The following TNS3 variants were observed in gnomAD, a reference collection of about 807,000 sequenced individuals.
TNS3 encodes the protein tensin 3.
Under a neutral mutation model 140.9 loss-of-function variants are expected in TNS3, and 45 were observed. The ratio of observed to expected loss-of-function variants is 0.32; its 90% confidence interval spans 0.25 to 0.41. TNS3 has a LOEUF of 0.41. TNS3 is among the 10% of genes least tolerant of loss of function. The pLI is 1.00. For missense variants in TNS3, 1,716 were observed against 1,906.7 expected (o/e 0.90, Z 1.86); for synonymous variants, 815 against 788.4 (o/e 1.03, Z -0.56).
intron 2 of TNS3, among the ~76,000 whole-genome samples, chr7:47,517,973 T>TCAATAATCAATCAATCAAGAATCAGTCAA (rs1244976544): frequency 4.6e-5 from 7 of 152,278 alleles, no homozygotes; most frequent in African/African-American, 1.7e-4. Flanking sequence ...CATCAACCAA[T>TCAATAATCAATCAATCAAGAATCAGTCAA]CAATAATCAA....
chr7:47,451,366 G>A (rs527624117), intron 4 of TNS3, among the ~76,000 whole-genome samples: 1 of 152,164 alleles, frequency 6.6e-6, no homozygotes, highest in Admixed American at 6.5e-5. Context: ...GATCACTTGA[G>A]GCCAGGAGTT....
intron 4 of TNS3, among the ~76,000 whole-genome samples, chr7:47,475,467 C>T (rs1202532013): frequency 6.6e-6 from 1 of 152,252 alleles, no homozygotes; most frequent in Non-Finnish European, 1.5e-5. Flanking sequence ...GAGGCCGCCA[C>T]CAGAAGGCGG....
chr7:47,454,248 C>T (rs1236584791), intron 4 of TNS3, among the ~76,000 whole-genome samples: 1 of 152,162 alleles, frequency 6.6e-6, no homozygotes, highest in South Asian at 2.1e-4. Context: ...AGGCTCAGCT[C>T]CACAAGGCAG....
chr7:47,335,274 A>G (rs1788570226), intron 20 of TNS3, among the ~76,000 whole-genome samples: 1 of 152,162 alleles, frequency 6.6e-6, no homozygotes, highest in Non-Finnish European at 1.5e-5. Flanking sequence ...AGGGCCCCAA[A>G]TGGGTGAAGC....
chr7:47,328,177 G>A (rs1300001490), intron 20 of TNS3, among the ~76,000 whole-genome samples: 1 of 152,236 alleles, frequency 6.6e-6, no homozygotes, highest in African/African-American at 2.4e-5. Flanking sequence ...CGTGCAGGGG[G>A]CGGGGCGGCC....
At chr7:47,370,350 G>C (rs1584502424) in intron 16 of TNS3, among the ~76,000 whole-genome samples, 1 of 152,320 alleles carries the variant, frequency 6.6e-6, no homozygotes, top group Non-Finnish European at 1.5e-5. Context: ...AAAAGAGAAA[G>C]TGCAGGAATT....
intron 1 of TNS3, among the ~76,000 whole-genome samples, chr7:47,580,596 G>A (rs1053205024): frequency 3.6e-5 from 5 of 139,250 alleles, no homozygotes; most frequent in Admixed American, 2.4e-4. Flanking sequence ...CCCTCCAGCT[G>A]CAGCGACTCC....
chr7:47,377,426 T>G (rs1368812783), intron 16 of TNS3, among the ~76,000 whole-genome samples: 4 of 151,966 alleles, frequency 2.6e-5, no homozygotes, highest in Non-Finnish European at 5.9e-5. Context: ...CACAAATGGG[T>G]GTGGTCGGGG....
At chr7:47,340,116 T>TATATATATATATA (rs1491157255) in intron 20 of TNS3, among the ~76,000 whole-genome samples, 21 of 16,462 alleles carry the variant, frequency 1.3e-3, no homozygotes, top group Non-Finnish European at 1.7e-3. Context: ...TATATATATA[T>TATATATATATATA]TTTTTTTTTT....
intron 4 of TNS3, among the ~76,000 whole-genome samples, chr7:47,457,144 G>C (rs1240408367): frequency 2.6e-5 from 1 of 37,874 alleles, no homozygotes; most frequent in Non-Finnish European, 5.5e-5. Context: ...AGGAGGGGAG[G>C]GGAGGGGAGG....
chr7:47,501,200 GGGA>G (rs1798210683), intron 3 of TNS3, among the ~76,000 whole-genome samples: 1 of 140,424 alleles, frequency 7.1e-6, no homozygotes, highest in African/African-American at 2.6e-5. Context: ...GAGGGAGGGA[GGGA>G]GGGAGGGAGG....
At chr7:47,553,741 C>T (rs114521722) in intron 1 of TNS3, among the ~76,000 whole-genome samples, 3,934 of 152,174 alleles carry the variant, frequency 0.026, 171 homozygotes, top group African/African-American at 0.09. Context: ...ACTAACACAA[C>T]ATCCATTCTA....
At chr7:47,431,905 A>C (rs1189604603) in intron 8 of TNS3, among the ~76,000 whole-genome samples, 2 of 152,190 alleles carry the variant, frequency 1.3e-5, no homozygotes, top group Non-Finnish European at 2.9e-5. Flanking sequence ...CATAGCAATA[A>C]ATTGGATAAC....
At chr7:47,554,667 G>T (rs913455677) in intron 1 of TNS3, among the ~76,000 whole-genome samples, 66 of 152,324 alleles carry the variant, frequency 4.3e-4, no homozygotes, top group African/African-American at 1.6e-3. Flanking sequence ...CTGAATTGCT[G>T]CAATCGCATG....
intron 23 of TNS3, among the ~76,000 whole-genome samples, chr7:47,297,491 G>A (rs1476855493): frequency 6.6e-6 from 1 of 152,166 alleles, no homozygotes; most frequent in Non-Finnish European, 1.5e-5. Flanking sequence ...CTAGACTGAG[G>A]TGCCGGGCAC....
At chr7:47,510,549 G>A (rs1379224290) in intron 2 of TNS3, among the ~76,000 whole-genome samples, 1 of 152,206 alleles carries the variant, frequency 6.6e-6, no homozygotes, top group Non-Finnish European at 1.5e-5. Flanking sequence ...GTCAAAATTT[G>A]AGATTTCAAG....
rs114872134 is a variant in TNS3 at position 47,322,617 on chromosome 7, T to C, written c.2651-17614A>G. Reference sequence around the variant, plus strand: ...AACATACCCTAGGAATGGAATGTTATGATTAGAAAAAGAAAAAAGAAAATG... The same window carrying C: ...AACATACCCTAGGAATGGAATGTTACGATTAGAAAAAGAAAAAAGAAAATG... On this transcript the variant is annotated intron_variant, in intron 20 of 30. Transcript: ENST00000311160. Among the ~76,000 whole-genome samples the C allele has an allele frequency of 3.1e-3, 466 of 152,106 alleles. 3 individuals are homozygous for C. The highest frequency in any genetic ancestry group is 0.011 in the African/African-American group (436 of 41,502).
chr7:47,498,119 G>A (rs1032203219), intron 3 of TNS3, among the ~76,000 whole-genome samples: 2 of 152,226 alleles, frequency 1.3e-5, no homozygotes, highest in African/African-American at 4.8e-5. Context: ...TCTGCAGGGA[G>A]AGCTTCTTTC....
intron 1 of TNS3, among the ~76,000 whole-genome samples, chr7:47,573,926 A>G (rs1800614826): frequency 6.6e-6 from 1 of 152,208 alleles, no homozygotes; most frequent in Admixed American, 6.5e-5. Context: ...GAGGGTAAAA[A>G]TTAACCACCA....
Sources: gnomAD v4.1 joint callset for allele counts (sites outside exome capture counted in the v4.1 genomes callset) on GRCh38, gnomAD v4.1.1 for gene constraint, MANE v1.5 for transcripts, NCBI Gene and HGNC (gene_info 2026-07-23, HGNC 2026-07-21) for gene names.